The following SOX5 variants were observed in gnomAD, a reference collection of about 807,000 sequenced individuals.
SOX5 encodes the protein transcription factor SOX-5.
Under a neutral mutation model 92.0 loss-of-function variants are expected in SOX5, and 9 were observed. The observed-to-expected ratio is 0.10, with a 90% CI of 0.06 to 0.17. The LOEUF (loss-of-function observed/expected upper bound fraction) is 0.17, where lower values mean the gene tolerates loss of function less well. Ranked by LOEUF, SOX5 falls within the 10% of genes least tolerant of loss-of-function variation. SOX5 has a pLI of 1.00. For synonymous variants in SOX5, 344 were observed against 336.3 expected (o/e 1.02, Z -0.25); for missense variants, 642 against 944.5 (o/e 0.68, Z 4.20).
chr12:24,136,564 A>G (rs1950126275), intron 4 of SOX5, among the ~76,000 whole-genome samples: 1 of 152,216 alleles, frequency 6.6e-6, no homozygotes, highest in Admixed American at 6.5e-5. Flanking sequence ...TCTGATGACT[A>G]AACTAAATTA....
intron 3 of SOX5, among the ~76,000 whole-genome samples, chr12:24,228,538 C>A (rs1346621451): frequency 6.6e-6 from 1 of 151,994 alleles, no homozygotes; most frequent in East Asian, 1.9e-4. Context: ...CTTCTCCCAC[C>A]ACACACACAC....
intron 1 of SOX5, among the ~76,000 whole-genome samples, chr12:24,418,337 T>C (rs977338739): frequency 3.3e-5 from 5 of 152,368 alleles, no homozygotes; most frequent in African/African-American, 1.2e-4. Context: ...AATCCCATCC[T>C]CCTTGCCAGT....
intron 4 of SOX5, among the ~76,000 whole-genome samples, chr12:24,208,183 T>C (rs1438262082): frequency 6.6e-6 from 1 of 152,150 alleles, no homozygotes; most frequent in South Asian, 2.1e-4. Flanking sequence ...TACTTCATGA[T>C]TGCATTAGTA....
intron 2 of SOX5, among the ~76,000 whole-genome samples, chr12:23,893,528 C>G (rs1382667561): frequency 6.6e-6 from 1 of 152,002 alleles, no homozygotes; most frequent in Non-Finnish European, 1.5e-5. Flanking sequence ...ATGTATGTAT[C>G]AGTTTAATAT....
chr12:23,717,690 T>C (rs1248774169), intron 6 of SOX5, among the ~76,000 whole-genome samples: 2 of 152,184 alleles, frequency 1.3e-5, no homozygotes, highest in Non-Finnish European at 2.9e-5. Flanking sequence ...CCCACTGATA[T>C]TTAGTACGGC....
chr12:23,706,314 T>A (rs1298023179), intron 6 of SOX5, among the ~76,000 whole-genome samples: 1 of 152,138 alleles, frequency 6.6e-6, no homozygotes, highest in Non-Finnish European at 1.5e-5. Flanking sequence ...CTATTGGAAC[T>A]AAGAACCAAA....
intron 3 of SOX5, among the ~76,000 whole-genome samples, chr12:23,808,980 A>G (rs1344125616): frequency 6.6e-6 from 1 of 152,160 alleles, no homozygotes; most frequent in Non-Finnish European, 1.5e-5. Flanking sequence ...AGTAATTTGC[A>G]TATACACATC....
intron 4 of SOX5, among the ~76,000 whole-genome samples, chr12:24,114,876 CA>C (rs1411614257): frequency 6.6e-6 from 1 of 151,990 alleles, no homozygotes; most frequent in African/African-American, 2.4e-5. Flanking sequence ...TTCAAGACTG[CA>C]GTAAGCTATG....
intron 1 of SOX5, among the ~76,000 whole-genome samples, chr12:24,456,318 C>T (rs568443256): frequency 6.6e-6 from 1 of 152,128 alleles, no homozygotes; most frequent in African/African-American, 2.4e-5. Context: ...CTTCAAGGAA[C>T]TTTTAAGTAA....
Position 24,393,444 on chromosome 12 carries a change from G to A in SOX5, c.-250-24805C>T, listed in dbSNP as rs1189759879. ...TATGACAGAAAAGGGTTTTGCAAGG[G>A]CTTGGAGGATAATCAGCTTTAGGGT... On this transcript the variant is annotated intron_variant, in intron 1 of 4. Transcript: ENST00000446891. This position sits in a 1 kb window ranked among gnomAD's most constrained non-coding sequence, Gnocchi z 5.0. Among the ~76,000 whole-genome samples the A allele has an allele frequency of 6.6e-6, 1 of 152,150 alleles. No homozygotes were observed. Among genetic ancestry groups the A allele is most frequent in the Non-Finnish European group, 1.5e-5 (1 of 68,024 alleles).
intron 3 of SOX5, chr12:23,762,692 T>G: frequency 2.2e-6 from 1 of 451,688 alleles, no homozygotes; most frequent in South Asian, 5.3e-5. Context: ...ATGTAATACT[T>G]AAATCATTAG....
chr12:23,587,190 A>C (rs913537087), intron 9 of SOX5, among the ~76,000 whole-genome samples: 4 of 152,046 alleles, frequency 2.6e-5, no homozygotes, highest in Admixed American at 6.6e-5. Context: ...TTCACTTTTC[A>C]GGGCTGATTT....
chr12:24,331,172 A>T (rs889902460), intron 2 of SOX5: 1 of 152,166 alleles, frequency 6.6e-6, no homozygotes, highest in Non-Finnish European at 1.5e-5. Context: ...AAATTGTCCG[A>T]GCTGTTAAAA....
intron 7 of SOX5, among the ~76,000 whole-genome samples, chr12:23,658,047 G>C (rs746362531): frequency 7.9e-5 from 12 of 152,066 alleles, no homozygotes; most frequent in Admixed American, 1.3e-4. Context: ...GCATATGTTG[G>C]GGTGGAAGTT....
At chr12:24,072,704 A>G (rs1360062555) in intron 4 of SOX5, among the ~76,000 whole-genome samples, 1 of 152,098 alleles carries the variant, frequency 6.6e-6, no homozygotes, top group Non-Finnish European at 1.5e-5. Flanking sequence ...AAAAAAACCT[A>G]CTCCTCACCT....
intron 4 of SOX5, among the ~76,000 whole-genome samples, chr12:24,193,619 T>A (rs1210873217): frequency 6.6e-6 from 1 of 152,222 alleles, no homozygotes; most frequent in Non-Finnish European, 1.5e-5. Context: ...TCAATCCTTG[T>A]GTTTGGCTAA....
intron 4 of SOX5, among the ~76,000 whole-genome samples, chr12:24,171,076 G>C (rs1954028709): frequency 6.6e-6 from 1 of 150,478 alleles, no homozygotes; most frequent in African/African-American, 2.5e-5. Context: ...GGGGCAAAAT[G>C]GACACTTTGA....
intron 3 of SOX5, among the ~76,000 whole-genome samples, chr12:23,783,815 C>T (rs1215750908): frequency 1.3e-5 from 2 of 152,156 alleles, no homozygotes; most frequent in Non-Finnish European, 2.9e-5. Flanking sequence ...CACTAAAGCG[C>T]ATTTCCTCCA....
At chr12:23,603,316 T>C (rs2074762578) in intron 9 of SOX5, among the ~76,000 whole-genome samples, 2 of 151,556 alleles carry the variant, frequency 1.3e-5, no homozygotes, top group African/African-American at 2.4e-5. Flanking sequence ...TCTAATCCTT[T>C]TCTCTGTGTA....
Sources: gnomAD v4.1 joint callset for allele counts (sites outside exome capture counted in the v4.1 genomes callset) on GRCh38, gnomAD v4.1.1 for gene constraint, Gnocchi (gnomAD v3.1) non-coding constraint, MANE v1.5 for transcripts, NCBI Gene and HGNC (gene_info 2026-07-23, HGNC 2026-07-21) for gene names.